The following SYN3 variants were observed in gnomAD, a reference collection of about 807,000 sequenced individuals.
SYN3 encodes synapsin III.
A neutral mutation model predicts 65.8 loss-of-function variants in SYN3; 35 were observed. That is an observed-to-expected ratio of 0.53 (90% CI 0.41 to 0.70). SYN3 has a LOEUF of 0.70. Among genes scored for constraint, SYN3 ranks in the 30% least tolerant of loss-of-function variants. The probability of loss-of-function intolerance (pLI) is 0.00; values close to 1 mark genes in which losing one functional copy is unlikely to be tolerated. For synonymous variants in SYN3, 270 were observed against 292.9 expected, an observed-to-expected ratio of 0.92 and a Z score of 0.80; for missense variants, 680 against 749.0, an observed-to-expected ratio of 0.91 and a Z score of 1.08.
intron 6 of SYN3, among the ~76,000 whole-genome samples, chr22:32,663,940 A>T (rs1030644621): frequency 2.3e-5 from 2 of 88,132 alleles, no homozygotes; most frequent in African/African-American, 1.6e-4. Context: ...TTCCCCCCCC[A>T]CACTGCACAT....
intron 8 of SYN3, 24 bp downstream of exon 8, chr22:32,541,547 C>G (rs1462092189): frequency 6.2e-7 from 1 of 1,613,596 alleles, no homozygotes; most frequent in Non-Finnish European, 8.5e-7. Context: ...CCACACTCCC[C>G]CAGCCCCTGC....
At chr22:32,970,448 C>G (rs1266238092) in intron 3 of SYN3, among the ~76,000 whole-genome samples, 1 of 150,704 alleles carries the variant, frequency 6.6e-6, no homozygotes, top group East Asian at 1.9e-4. Flanking sequence ...TCAAGACCAG[C>G]CTGGGCAACA....
intron 10 of SYN3, 75 bp from the exon 11 acceptor site, chr22:32,529,083 G>C: frequency 6.3e-7 from 1 of 1,588,260 alleles, no homozygotes; most frequent in Non-Finnish European, 8.6e-7. Flanking sequence ...TCCCAGAAGT[G>C]GGGGCTCAGG....
At chr22:32,607,592 C>G (rs1330978995) in intron 6 of SYN3, among the ~76,000 whole-genome samples, 1 of 152,182 alleles carries the variant, frequency 6.6e-6, no homozygotes, top group Non-Finnish European at 1.5e-5. Context: ...CCTGCATCAC[C>G]TCCTTCCACC....
At chr22:32,864,314 T>C (rs2048628614) in intron 6 of SYN3, among the ~76,000 whole-genome samples, 1 of 152,156 alleles carries the variant, frequency 6.6e-6, no homozygotes, top group African/African-American at 2.4e-5. Context: ...CCCAACACTT[T>C]CTGGCTTCAG....
chr22:32,903,796 T>C (rs897806116), intron 4 of SYN3, among the ~76,000 whole-genome samples: 5 of 152,186 alleles, frequency 3.3e-5, no homozygotes, highest in Admixed American at 2.6e-4. Context: ...CTGACGACAA[T>C]GGGTGACTTG....
intron 6 of SYN3, among the ~76,000 whole-genome samples, chr22:32,710,738 T>A (rs556931579): frequency 6.6e-6 from 1 of 152,180 alleles, no homozygotes; most frequent in East Asian, 1.9e-4. Flanking sequence ...CCACTTTGCC[T>A]TCTGCCATGA....
intron 6 of SYN3, among the ~76,000 whole-genome samples, chr22:32,650,550 C>G (rs4373007): frequency 0.21 from 31,255 of 151,906 alleles, 4,111 homozygotes; most frequent in East Asian, 0.68. Flanking sequence ...GCAGGCCACT[C>G]TACCTGGCTG....
At chr22:32,706,784 C>A (rs986973676) in intron 6 of SYN3, among the ~76,000 whole-genome samples, 21 of 152,244 alleles carry the variant, frequency 1.4e-4, no homozygotes, top group African/African-American at 4.1e-4. Context: ...CCACTGTTTT[C>A]TTTTGCCTCT....
intron 7 of SYN3, among the ~76,000 whole-genome samples, chr22:32,558,181 T>C (rs1384298134): frequency 2.0e-5 from 3 of 152,218 alleles, no homozygotes; most frequent in Admixed American, 6.5e-5. Context: ...CTCTCCTTCC[T>C]GGAGCAAGTG....
intron 1 of SYN3, among the ~76,000 whole-genome samples, chr22:33,015,745 G>T (rs1315142030): frequency 1.3e-5 from 2 of 151,596 alleles, no homozygotes. Flanking sequence ...ACTTAATCTT[G>T]TAACTTAATA....
chr22:32,563,197 C>G (rs1225518587), intron 7 of SYN3, among the ~76,000 whole-genome samples: 2 of 152,226 alleles, frequency 1.3e-5, no homozygotes, highest in East Asian at 3.8e-4. Flanking sequence ...AGTAAATTAA[C>G]TCATGGGAAG....
chr22:32,677,537 G>A (rs1348448978), intron 6 of SYN3, among the ~76,000 whole-genome samples: 2 of 152,180 alleles, frequency 1.3e-5, no homozygotes, highest in East Asian at 1.9e-4. Flanking sequence ...GGTGGCTCAT[G>A]CCTGTAATCC....
chr22:32,695,542 C>T (rs150668008), intron 6 of SYN3, among the ~76,000 whole-genome samples: 139 of 152,294 alleles, frequency 9.1e-4, no homozygotes, highest in African/African-American at 3.2e-3. Context: ...TGAAGCATTC[C>T]CATGAGTATG....
intron 6 of SYN3, among the ~76,000 whole-genome samples, chr22:32,842,766 G>A (rs762053217): frequency 2.6e-5 from 4 of 152,152 alleles, no homozygotes; most frequent in Admixed American, 6.5e-5. Context: ...TTGCCGGGGA[G>A]CACAAAGGTC....
At chr22:32,518,730 T>C (rs978213601) in intron 12 of SYN3, among the ~76,000 whole-genome samples, 5 of 152,150 alleles carry the variant, frequency 3.3e-5, no homozygotes, top group African/African-American at 1.2e-4. Flanking sequence ...CAGACTTTAA[T>C]GTGCATATGA....
At chr22:32,870,422 T>C (rs1315517035) in intron 4 of SYN3, among the ~76,000 whole-genome samples, 1 of 152,220 alleles carries the variant, frequency 6.6e-6, no homozygotes, top group African/African-American at 2.4e-5. Flanking sequence ...TTCTACACAA[T>C]AGTTCACTGA....
chr22:32,884,371 A>G (rs73158375), intron 4 of SYN3, among the ~76,000 whole-genome samples: 3 of 152,328 alleles, frequency 2.0e-5, no homozygotes, highest in Non-Finnish European at 4.4e-5. Context: ...GATCCCAGGA[A>G]CACTAGTTAA....
intron 6 of SYN3, among the ~76,000 whole-genome samples, chr22:32,667,093 T>A (rs2147042425): frequency 6.6e-6 from 1 of 152,326 alleles, no homozygotes; most frequent in Non-Finnish European, 1.5e-5. Context: ...CTTTTTGTTT[T>A]ATTCACAGAC....
Sources: gnomAD v4.1 joint callset for allele counts (sites outside exome capture counted in the v4.1 genomes callset) on GRCh38, gnomAD v4.1.1 for gene constraint, MANE v1.5 for transcripts, NCBI Gene and HGNC (gene_info 2026-07-23, HGNC 2026-07-21) for gene names.